KAT6A: variants seen among roughly 807,000 people sequenced by gnomAD.
KAT6A encodes the protein histone acetyltransferase KAT6A.
Under a neutral mutation model 198.4 loss-of-function variants are expected in KAT6A, and 9 were observed. The ratio of observed to expected loss-of-function variants is 0.05; its 90% CI spans 0.03 to 0.08. The LOEUF is 0.08. KAT6A is among the 10% of genes least tolerant of loss of function. The probability of loss-of-function intolerance (pLI) is 1.00; values close to 1 mark genes in which losing one functional copy is unlikely to be tolerated. For synonymous variants in KAT6A, 890 were observed against 883.0 expected (o/e 1.01, Z -0.14); for missense variants, 2,077 against 2,509.9 (o/e 0.83, Z 3.69).
intron 2 of KAT6A, among the ~76,000 whole-genome samples, chr8:42,045,955 A>T (rs899912071): frequency 1.3e-5 from 2 of 152,108 alleles, no homozygotes; most frequent in African/African-American, 4.8e-5. Context: ...ACTGCACTCC[A>T]GTCAAAGCAA....
chr8:42,016,493 T>C (rs1231205513), intron 2 of KAT6A, among the ~76,000 whole-genome samples: 1 of 152,210 alleles, frequency 6.6e-6, no homozygotes, highest in Non-Finnish European at 1.5e-5. Flanking sequence ...ATAATCATAT[T>C]TGAAAAACCA....
rs186506632 is a variant in KAT6A, at chr8:42,032,055, G to A, written c.600+16323C>T. ...CGCCGTTCTCCTGCCTCAGCCTCCC[G>A]AGTAGCTGGGACTACAGGCGCCTGC... is the stretch of plus-strand genomic sequence containing the variant. On this transcript the variant is annotated intron_variant, in intron 2 of 16. Transcript: ENST00000265713. Among the ~76,000 whole-genome samples the A allele has an allele frequency of 3.9e-3, 594 of 151,696 alleles. 4 individuals are homozygous for A. Among genetic ancestry groups the A allele is most frequent in the African/African-American group, 0.013 (557 of 41,370 alleles).
At chr8:42,027,241 T>TTTGTTG (rs1290124736) in intron 2 of KAT6A, among the ~76,000 whole-genome samples, 1 of 152,140 alleles carries the variant, frequency 6.6e-6, no homozygotes, top group African/African-American at 2.4e-5. Context: ...GTAGTTTTCT[T>TTTGTTG]TTGTTGTTGT....
At position 41,937,246 on chromosome 8, in the gene KAT6A, T is replaced by C. The variant is rs557481769; in HGVS notation, c.3352+10A>G. The stretch of plus-strand genomic sequence containing the variant: ...AATAAACCACAGTAAGTGAGTTCTG[T>C]AAAACATACCATCAGCATCATCTGA... On this transcript the variant is annotated intron_variant, in intron 16 of 16. Coordinates refer to ENST00000265713, the MANE Select transcript of KAT6A (RefSeq NM_006766.5). The C allele has an allele frequency of 3.2e-5, 52 of 1,607,258 alleles. No individual in the cohort carries two copies. In the South Asian group the frequency reaches 5.5e-4, roughly 17 times the overall value.
rs1009159845 is a variant in KAT6A at position 42,048,279 on chromosome 8, T to C, written c.600+99A>G. ...ACCAGAGGTGATCACTCCACAGAAG[T>C]CCCCAAACAAAAAACTTGAATATAA... On this transcript the variant is annotated intron_variant, in intron 2 of 16. Transcript: ENST00000265713. 4 of 1,309,544 alleles carry C rather than the reference T, an allele frequency of 3.1e-6. No individual in the cohort carries two copies. In the Admixed American group the frequency reaches 6.3e-5, roughly 21 times the overall value. The allele number at this position is 1,309,544 out of a possible 1,614,324, so 81.1% of individuals were successfully genotyped here.
At chr8:41,981,993 G>T (rs374244247) in intron 3 of KAT6A, 39 bp from the exon 4 acceptor site, 10 of 1,203,458 alleles carry the variant, frequency 8.3e-6, no homozygotes, top group Non-Finnish European at 1.2e-5. Context: ...AAACAATCAA[G>T]AACTATTTTG....
intron 2 of KAT6A, among the ~76,000 whole-genome samples, chr8:42,014,591 A>T (rs1029459325): frequency 2.0e-5 from 3 of 152,216 alleles, no homozygotes; most frequent in Non-Finnish European, 4.4e-5. Flanking sequence ...CCACTGTATG[A>T]TCAATAAGGG....
chr8:42,032,175 G>C (rs1475731497), intron 2 of KAT6A, among the ~76,000 whole-genome samples: 1 of 152,102 alleles, frequency 6.6e-6, no homozygotes, highest in Admixed American at 6.6e-5. Context: ...TCATTTTCAT[G>C]AACTGTAGTC....
intron 2 of KAT6A, among the ~76,000 whole-genome samples, chr8:42,027,069 A>C (rs1204299148): frequency 6.6e-6 from 1 of 152,196 alleles, no homozygotes; most frequent in African/African-American, 2.4e-5. Context: ...ACATTTATTG[A>C]TTTGCATAGG....
intron 16 of KAT6A, 144 bp from the exon 17 acceptor site, chr8:41,935,011 A>G: frequency 1.4e-6 from 1 of 706,368 alleles, no homozygotes; most frequent in East Asian, 2.7e-5. Context: ...TTTAAAGTTA[A>G]GAACCTAGAG....
Position 41,941,034 on chromosome 8 carries a change from T to C in KAT6A, c.2847A>G (p.Gly949=). Residue 949 remains glycine (G), a synonymous_variant, in exon 15 of 17, where the codon GGA becomes GGG. Transcript: ENST00000265713. Reference sequence around the variant, plus strand: ...GAGCCTCAGGGCTTTTCTTGAGCTGTCCTCGCCAGGGCTCAACCCCCTCAC... The same window carrying C: ...GAGCCTCAGGGCTTTTCTTGAGCTGCCCTCGCCAGGGCTCAACCCCCTCAC... ...RLSEGVEPWR[G]QLKKSPEALK... is the part of the protein sequence containing the mutation. The C allele has an allele frequency of 6.2e-7, 1 of 1,614,174 alleles. No homozygotes were observed. The highest frequency in any genetic ancestry group is 8.5e-7 in the Non-Finnish European group (1 of 1,180,044).
chr8:41,985,612 CT>C (rs1474593657), intron 3 of KAT6A, among the ~76,000 whole-genome samples: 1 of 152,160 alleles, frequency 6.6e-6, no homozygotes, highest in Admixed American at 6.5e-5. Context: ...CAGAGCGCAA[CT>C]GTTGTGCAGT....
chr8:41,942,425 C>A (rs1718659881), intron 14 of KAT6A: 2 of 301,014 alleles, frequency 6.6e-6, no homozygotes, highest in South Asian at 1.2e-4. Context: ...AGATTACAGG[C>A]ATGAAACACC....
chr8:42,010,550 AGGCAAG>A (rs1825975152), intron 2 of KAT6A, among the ~76,000 whole-genome samples: 1 of 152,166 alleles, frequency 6.6e-6, no homozygotes, highest in Non-Finnish European at 1.5e-5. Flanking sequence ...ACACACACGT[AGGCAAG>A]TCTCTTCACG....
At chr8:41,962,964 G>C (rs1269964161) in intron 8 of KAT6A, among the ~76,000 whole-genome samples, 1 of 152,028 alleles carries the variant, frequency 6.6e-6, no homozygotes, top group Non-Finnish European at 1.5e-5. Context: ...AAATGTCAGA[G>C]AGACAGTCCC....
intron 2 of KAT6A, among the ~76,000 whole-genome samples, chr8:41,999,472 C>T (rs1451163324): frequency 6.6e-6 from 1 of 152,162 alleles, no homozygotes; most frequent in African/African-American, 2.4e-5. Context: ...CCTCCATAGA[C>T]TGACTCCCTC....
At chr8:42,020,651 G>A (rs1826486461) in intron 2 of KAT6A, among the ~76,000 whole-genome samples, 1 of 152,196 alleles carries the variant, frequency 6.6e-6, no homozygotes, top group African/African-American at 2.4e-5. Context: ...AATTACTCAA[G>A]AGTAAAAGAT....
chr8:41,946,491 T>TACACACAC (rs1359148460), intron 12 of KAT6A, 100 bp downstream of exon 12: 6 of 464,112 alleles, frequency 1.3e-5, no homozygotes, highest in African/African-American at 5.3e-5. Context: ...AATATATATA[T>TACACACAC]ATACACACAC....
chr8:41,953,929 GC>G (rs1468179252), intron 9 of KAT6A, among the ~76,000 whole-genome samples: 1 of 152,152 alleles, frequency 6.6e-6, no homozygotes, highest in African/African-American at 2.4e-5. Context: ...ATATGGAAAT[GC>G]AAATACAATG....
Sources: gnomAD v4.1 joint callset for allele counts (sites outside exome capture counted in the v4.1 genomes callset) on GRCh38, gnomAD v4.1.1 for gene constraint, MANE v1.5 for transcripts, NCBI Gene and HGNC (gene_info 2026-07-23, HGNC 2026-07-21) for gene names.